TULP4: variants seen among roughly 807,000 people sequenced by gnomAD.
The protein encoded by TULP4 is TUB like protein 4, also known as tubby-related protein 4.
Under a neutral mutation model 129.0 loss-of-function variants are expected in TULP4, and 16 were observed. That is an observed-to-expected ratio of 0.12 (90% CI 0.08 to 0.19). The LOEUF (loss-of-function observed/expected upper bound fraction) is 0.19, where lower values mean the gene tolerates loss of function less well. Among genes scored for constraint, TULP4 ranks in the 10% least tolerant of loss-of-function variants. The pLI, the probability that TULP4 is intolerant of heterozygous loss-of-function variation, is 1.00. For missense variants in TULP4, 1,842 were observed against 2,059.1 expected (o/e 0.89, Z 2.04); for synonymous variants, 998 against 854.0 (o/e 1.17, Z -2.94).
intron 1 of TULP4, among the ~76,000 whole-genome samples, chr6:158,305,880 T>C (rs1236660186): frequency 6.6e-6 from 1 of 152,156 alleles, no homozygotes; most frequent in Non-Finnish European, 1.5e-5. Context: ...AATATTCTTA[T>C]CATTCCTTGG....
At chr6:158,255,773 AT>A (rs1187095708) in intron 1 of TULP4, among the ~76,000 whole-genome samples, 2 of 152,208 alleles carry the variant, frequency 1.3e-5, no homozygotes, top group Non-Finnish European at 2.9e-5. Context: ...GTTTACACCA[AT>A]TTAAGTTAGG....
At chr6:158,335,300 TTCTTTATAAGTACCCAG>T (rs1780008572) in intron 1 of TULP4, among the ~76,000 whole-genome samples, 1 of 151,794 alleles carries the variant, frequency 6.6e-6, no homozygotes, top group Admixed American at 6.6e-5. Flanking sequence ...AAAATTTTTG[TTCTTTATAAGTACCCAG>T]TCTCAGGTAC....
chr6:158,368,525 A>G (rs542919588), intron 1 of TULP4, among the ~76,000 whole-genome samples: 1 of 152,336 alleles, frequency 6.6e-6, no homozygotes, highest in African/African-American at 2.4e-5. Flanking sequence ...CATATCAGGA[A>G]TCTATCTCTA....
At chr6:158,356,769 A>C (rs1371647568) in intron 1 of TULP4, among the ~76,000 whole-genome samples, 1 of 152,124 alleles carries the variant, frequency 6.6e-6, no homozygotes, top group Non-Finnish European at 1.5e-5. Context: ...TGTAAGGTAG[A>C]TGCCAAGGTG....
At chr6:158,297,626 T>C (rs960074435) in intron 1 of TULP4, among the ~76,000 whole-genome samples, 1 of 152,186 alleles carries the variant, frequency 6.6e-6, no homozygotes, top group African/African-American at 2.4e-5. Flanking sequence ...GGAACTGATA[T>C]ATGTCCACGA....
intron 3 of TULP4, among the ~76,000 whole-genome samples, chr6:158,441,085 G>C (rs1351279572): frequency 2.6e-5 from 4 of 152,168 alleles, no homozygotes; most frequent in Non-Finnish European, 5.9e-5. Context: ...GGGAGGCTGA[G>C]GGGGTGGATC....
At chr6:158,300,484 C>G (rs1313084859) in intron 1 of TULP4, among the ~76,000 whole-genome samples, 2 of 152,196 alleles carry the variant, frequency 1.3e-5, no homozygotes, top group African/African-American at 4.8e-5. Flanking sequence ...TTGGCCTGTT[C>G]CGCCACAGCT....
chr6:158,244,422 G>A (rs548326367), intron 1 of TULP4, among the ~76,000 whole-genome samples: 4 of 152,240 alleles, frequency 2.6e-5, no homozygotes, highest in African/African-American at 7.2e-5. Flanking sequence ...CCCTACCCCC[G>A]TTCATATGTT....
At chr6:158,495,337 G>A (rs1010979801) in intron 11 of TULP4, among the ~76,000 whole-genome samples, 3 of 152,186 alleles carry the variant, frequency 2.0e-5, no homozygotes, top group Non-Finnish European at 4.4e-5. Context: ...ACAGGCATGA[G>A]CCATCACGCC....
Position 158,345,833 on chromosome 6 carries a change from A to G in TULP4, c.252+31565A>G, listed in dbSNP as rs1043832033. ...GGGCAGGGTTTTTCCCTACCCTAGT[A>G]AGCCTGAGGGTACTGCAGGAGACCA... On this transcript the variant is annotated intron_variant, in intron 1 of 13. Transcript: ENST00000367097. Among the ~76,000 whole-genome samples the G allele has an allele frequency of 3.9e-5, 6 of 152,304 alleles. 1 individual carries two copies. Among genetic ancestry groups the G allele is most frequent in the East Asian group, 3.9e-4 (2 of 5,178 alleles).
intron 1 of TULP4, among the ~76,000 whole-genome samples, chr6:158,235,542 C>T (rs924158883): frequency 6.6e-6 from 1 of 152,188 alleles, no homozygotes; most frequent in Non-Finnish European, 1.5e-5. Flanking sequence ...GAGACAAGGT[C>T]TCACTATGTT....
intron 3 of TULP4, among the ~76,000 whole-genome samples, chr6:158,446,471 T>C (rs12212878): frequency 0.048 from 7,383 of 152,308 alleles, 239 homozygotes; most frequent in South Asian, 0.088. Context: ...ATTATATGTA[T>C]GTTCTTTCAT....
chr6:158,282,660 C>G (rs1298944189), intron 1 of TULP4, among the ~76,000 whole-genome samples: 1 of 151,428 alleles, frequency 6.6e-6, no homozygotes, highest in African/African-American at 2.4e-5. Context: ...TGGTAGTAGT[C>G]AAGAATCAAC....
At chr6:158,498,115 T>C (rs1040847063) in intron 11 of TULP4, among the ~76,000 whole-genome samples, 1 of 152,188 alleles carries the variant, frequency 6.6e-6, no homozygotes, top group African/African-American at 2.4e-5. Context: ...CCTATAAATC[T>C]CTATCCTGAT....
intron 1 of TULP4, among the ~76,000 whole-genome samples, chr6:158,243,854 G>A (rs1777974229): frequency 1.1e-5 from 1 of 92,420 alleles, no homozygotes; most frequent in Admixed American, 1.1e-4. Context: ...ATAGGTGTGT[G>A]TGTGTGTGTG....
At chr6:158,428,736 T>A (rs1449183256) in intron 2 of TULP4, among the ~76,000 whole-genome samples, 1 of 152,112 alleles carries the variant, frequency 6.6e-6, no homozygotes, top group Non-Finnish European at 1.5e-5. Context: ...TGATGGAGAA[T>A]CTATTACTAA....
At chr6:158,440,239 G>A (rs1583877675) in intron 3 of TULP4, among the ~76,000 whole-genome samples, 1 of 145,042 alleles carries the variant, frequency 6.9e-6, no homozygotes, top group East Asian at 2.1e-4. Context: ...GACTGCTTGA[G>A]CCCAGGAGGT....
chr6:158,385,714 G>A (rs1415082047), intron 1 of TULP4, among the ~76,000 whole-genome samples: 1 of 119,722 alleles, frequency 8.4e-6, no homozygotes, highest in Non-Finnish European at 1.7e-5. Flanking sequence ...TGGTATGTAA[G>A]TTTCCTGGGT....
At position 158,272,313 on chromosome 6, in the gene TULP4, C is replaced by T. The variant is rs549299730; in HGVS notation, n.69-39738C>T. Among the ~76,000 whole-genome samples the T allele has an allele frequency of 2.6e-5, 4 of 152,304 alleles. No homozygotes were observed. In the East Asian group the frequency reaches 5.8e-4, roughly 22 times the overall value. On this transcript the variant is annotated intron_variant and non_coding_transcript_variant, in intron 1 of 1. Coordinates refer to the TULP4 transcript ENST00000620026. ...TTTCTTTCTTCCTCCCTTCCTGCCC[C>T]AATGGCTATGATCTTATTACTAGCC...
Sources: allele counts gnomAD v4.1 joint callset (sites outside exome capture counted in the v4.1 genomes callset), GRCh38; gene constraint gnomAD v4.1.1; transcripts MANE v1.5; gene names NCBI Gene and HGNC (gene_info 2026-07-23, HGNC 2026-07-21).